FHOD3: variants seen among roughly 807,000 people sequenced by gnomAD.
FHOD3 encodes the protein FH1/FH2 domain-containing protein 3.
Under a neutral mutation model 173.0 loss-of-function variants are expected in FHOD3, and 90 were observed. The observed-to-expected ratio is 0.52, with a 90% CI of 0.44 to 0.62. The LOEUF is 0.62. Ranked by LOEUF, FHOD3 falls within the 20% of genes least tolerant of loss-of-function variation. The pLI is 0.00. For missense variants in FHOD3, 1,945 were observed against 2,034.7 expected (o/e 0.96, Z 0.85); for synonymous variants, 828 against 823.0 (o/e 1.01, Z -0.10).
chr18:36,584,463 T>C (rs999587623), intron 6 of FHOD3, among the ~76,000 whole-genome samples: 2 of 152,250 alleles, frequency 1.3e-5, no homozygotes, highest in African/African-American at 4.8e-5. Flanking sequence ...AAATTCTATA[T>C]GGTCCAGGCA....
intron 3 of FHOD3, among the ~76,000 whole-genome samples, chr18:36,392,722 A>C (rs1338246949): frequency 6.6e-6 from 1 of 152,246 alleles, no homozygotes; most frequent in African/African-American, 2.4e-5. Flanking sequence ...ATGCGCAGGC[A>C]GCTAATTTGT....
chr18:36,455,429 G>A (rs2052128400), intron 3 of FHOD3, among the ~76,000 whole-genome samples: 2 of 152,252 alleles, frequency 1.3e-5, no homozygotes, highest in South Asian at 4.1e-4. Context: ...TTGTTTCACA[G>A]TAGATTTTTC....
intron 5 of FHOD3, among the ~76,000 whole-genome samples, chr18:36,514,572 C>A (rs991669837): frequency 1.3e-4 from 20 of 152,194 alleles, no homozygotes; most frequent in Non-Finnish European, 7.3e-5. Flanking sequence ...TGGGTCCACA[C>A]TGACAATATA....
chr18:36,666,389 A>G (rs1298693887), intron 14 of FHOD3, among the ~76,000 whole-genome samples: 3 of 152,224 alleles, frequency 2.0e-5, no homozygotes, highest in Non-Finnish European at 4.4e-5. Flanking sequence ...GAAGCTATGA[A>G]GGAAGATTCT....
At chr18:36,498,403 A>C (rs765465887) in intron 3 of FHOD3, among the ~76,000 whole-genome samples, 1 of 152,198 alleles carries the variant, frequency 6.6e-6, no homozygotes, top group Non-Finnish European at 1.5e-5. Flanking sequence ...ATTCTTGAAA[A>C]AGGCTAAAAT....
chr18:36,554,314 G>A (rs1211176426), intron 5 of FHOD3, among the ~76,000 whole-genome samples: 1 of 152,068 alleles, frequency 6.6e-6, no homozygotes, highest in African/African-American at 2.4e-5. Flanking sequence ...GCATAAAAAA[G>A]GATAAGTTCA....
At chr18:36,613,698 G>GTC (rs984089433) in intron 9 of FHOD3, among the ~76,000 whole-genome samples, 1 of 152,038 alleles carries the variant, frequency 6.6e-6, no homozygotes, top group Non-Finnish European at 1.5e-5. Flanking sequence ...TTTTGAGACA[G>GTC]TCTCTCTCTC....
intron 17 of FHOD3, among the ~76,000 whole-genome samples, chr18:36,694,096 C>T (rs567915719): frequency 3.3e-5 from 5 of 152,238 alleles, no homozygotes; most frequent in South Asian, 4.2e-4. Flanking sequence ...ACTGTGGGTC[C>T]GTTTTCTTTC....
At chr18:36,369,816 A>T (rs961648791) in intron 2 of FHOD3, among the ~76,000 whole-genome samples, 19 of 152,146 alleles carry the variant, frequency 1.2e-4, no homozygotes, top group Admixed American at 1.0e-3. Context: ...CTAAAAAACC[A>T]GGGACTCTTT....
intron 1 of FHOD3, among the ~76,000 whole-genome samples, chr18:36,353,682 C>G (rs2046236056): frequency 6.6e-6 from 1 of 152,152 alleles, no homozygotes; most frequent in Non-Finnish European, 1.5e-5. Context: ...ATATTAATCT[C>G]AATCTTCTTT....
intron 2 of FHOD3, among the ~76,000 whole-genome samples, chr18:36,356,514 T>TGAGACA (rs890655207): frequency 1.4e-4 from 22 of 152,208 alleles, no homozygotes; most frequent in Non-Finnish European, 2.2e-4. Flanking sequence ...ATTTATTTTT[T>TGAGACA]GAGACAGAGT....
intron 16 of FHOD3, 194 bp from the exon 17 acceptor site, chr18:36,693,015 G>C: frequency 1.6e-6 from 1 of 611,722 alleles, no homozygotes; most frequent in Non-Finnish European, 2.9e-6. Flanking sequence ...TTGGTTATGA[G>C]TGACGTGGGA....
chr18:36,298,465 T>TG (rs2091865856), intron 1 of FHOD3, among the ~76,000 whole-genome samples: 1 of 152,092 alleles, frequency 6.6e-6, no homozygotes, highest in South Asian at 2.1e-4. Context: ...CTCAGGCCTC[T>TG]GGGGCCGCTG....
intron 1 of FHOD3, among the ~76,000 whole-genome samples, chr18:36,307,126 G>A (rs1007698295): frequency 1.3e-5 from 2 of 152,074 alleles, no homozygotes; most frequent in South Asian, 2.1e-4. Context: ...ACCATGCCTG[G>A]CTAATTTTTG....
At chr18:36,542,266 A>G (rs1041641439) in intron 5 of FHOD3, among the ~76,000 whole-genome samples, 2 of 152,164 alleles carry the variant, frequency 1.3e-5, no homozygotes, top group Non-Finnish European at 2.9e-5. Flanking sequence ...CATGATGTCC[A>G]CGGTTAATGT....
At chr18:36,324,779 A>C (rs555281431) in intron 1 of FHOD3, among the ~76,000 whole-genome samples, 3 of 152,354 alleles carry the variant, frequency 2.0e-5, no homozygotes, top group African/African-American at 7.2e-5. Context: ...ACTCTTAGGC[A>C]GTTATGAAGC....
intron 14 of FHOD3, among the ~76,000 whole-genome samples, chr18:36,669,800 TAATAA>T (rs1469001486): frequency 6.6e-6 from 1 of 151,972 alleles, no homozygotes; most frequent in Non-Finnish European, 1.5e-5. Flanking sequence ...TATATTTAAA[TAATAA>T]AATAAGGCTT....
chr18:36,409,831 G>A (rs2049262436), intron 3 of FHOD3, among the ~76,000 whole-genome samples: 1 of 152,120 alleles, frequency 6.6e-6, no homozygotes, highest in Non-Finnish European at 1.5e-5. Context: ...GGTGGCTTTG[G>A]GGTGGCTTAT....
At chr18:36,543,109 G>A (rs957891576) in intron 5 of FHOD3, among the ~76,000 whole-genome samples, 16 of 152,122 alleles carry the variant, frequency 1.1e-4, no homozygotes, top group Admixed American at 4.6e-4. Flanking sequence ...CTTCCTGAGC[G>A]TCCAGCCTGA....
Sources: allele counts gnomAD v4.1 joint callset (sites outside exome capture counted in the v4.1 genomes callset), GRCh38; gene constraint gnomAD v4.1.1; transcripts MANE v1.5; gene names NCBI Gene and HGNC (gene_info 2026-07-23, HGNC 2026-07-21).